The following CACNA1G variants were observed in gnomAD, a reference collection of about 807,000 sequenced individuals.
CACNA1G encodes the protein calcium voltage-gated channel subunit alpha1 G, also known as voltage-dependent T-type calcium channel subunit alpha-1G.
In CACNA1G, 67 loss-of-function variants were observed where a neutral mutation model predicts 219.4. The ratio of observed to expected loss-of-function variants is 0.31; its 90% CI spans 0.25 to 0.37. The LOEUF (loss-of-function observed/expected upper bound fraction) is 0.37, where lower values mean the gene tolerates loss of function less well. Ranked by LOEUF, CACNA1G falls within the 10% of genes least tolerant of loss-of-function variation. The probability of loss-of-function intolerance (pLI) is 1.00; values close to 1 mark genes in which losing one functional copy is unlikely to be tolerated. For missense variants in CACNA1G, 2,380 were observed against 3,231.4 expected (o/e 0.74, Z 6.39); for synonymous variants, 1,296 against 1,345.3 (o/e 0.96, Z 0.80).
At position 50,571,827 on chromosome 17, in the gene CACNA1G, C is replaced by T; in HGVS notation, c.587-51C>T. 1.9e-6 allele frequency: 3 copies of T among 1,596,548 alleles called. No homozygotes were observed. Among genetic ancestry groups the T allele is most frequent in the Middle Eastern group, 1.7e-4 (1 of 6,006 alleles). On this transcript the variant is annotated intron_variant, in intron 4 of 37. Transcript: ENST00000359106. The surrounding 1 kb of genome is among the most constrained non-coding windows in gnomAD (Gnocchi z 4.3). ...GGGAGTGCTGCCGGGCCGTGGCAGT[C>T]AGCCTAGCCCGGCCAGCCTGGTGTC...
Position 50,599,934 on chromosome 17 carries a change from T to C in CACNA1G, c.3690+75T>C, listed in dbSNP as rs1249175575. 6 of 1,410,056 alleles carry C rather than the reference T, an allele frequency of 4.3e-6. No individual in the cohort carries two copies. In the East Asian group the frequency reaches 1.2e-4, roughly 28 times the overall value. The allele number at this position is 1,410,056 out of a possible 1,614,324, so 87.3% of individuals were successfully genotyped here. On this transcript the variant is annotated intron_variant, in intron 17 of 37. Transcript: ENST00000359106. Reference sequence around the variant, plus strand: ...GGGAGGTGTGCCTGGCCTGGCAGGGTATAAGGGAGTTACCATTCCAAGCCC... The same window carrying C: ...GGGAGGTGTGCCTGGCCTGGCAGGGCATAAGGGAGTTACCATTCCAAGCCC...
chr17:50,592,329 C>T (rs1312628512), intron 13 of CACNA1G, among the ~76,000 whole-genome samples: 4 of 152,154 alleles, frequency 2.6e-5, no homozygotes, highest in Admixed American at 1.3e-4. Context: ...GCTTAGCTAC[C>T]GAGTAGACAT....
intron 7 of CACNA1G, 99 bp from the exon 8 acceptor site, chr17:50,575,444 C>A: frequency 8.5e-7 from 1 of 1,182,406 alleles, no homozygotes; most frequent in Non-Finnish European, 1.2e-6. Context: ...AATAACTGAG[C>A]GTGGCGCTTG....
Position 50,601,041 on chromosome 17 carries a change from G to A in CACNA1G, c.3792-10G>A, listed in dbSNP as rs1039261404. 6.2e-7 allele frequency: 1 copy of A among 1,613,350 alleles called. No homozygotes were observed. The highest frequency in any genetic ancestry group is 8.5e-7 in the Non-Finnish European group (1 of 1,179,636). On this transcript the variant is annotated splice_polypyrimidine_tract_variant and intron_variant, in intron 18 of 37. Transcript: ENST00000359106. ...TCCCCCTCTCAGCCGTTGCCTCCAT[G>A]CCTGGGCAGGTTCCGCCTCCTGTGT...
chr17:50,575,117 T>C (rs1021354830), intron 7 of CACNA1G, among the ~76,000 whole-genome samples: 1 of 152,250 alleles, frequency 6.6e-6, no homozygotes, highest in Non-Finnish European at 1.5e-5. Context: ...GAAAACCCCA[T>C]GTCCCTAATA....
chr17:50,617,722 G>A lies in CACNA1G; in HGVS notation c.5156-137G>A. On this transcript the variant is annotated intron_variant, in intron 29 of 37. Transcript: ENST00000359106. The surrounding 1 kb of genome is among the most constrained non-coding windows in gnomAD (Gnocchi z 5.8). ...TCTGCCAAGGGAGGCTGGAGACAGG[G>A]CTGAGGATGGGGATGCAACCTGGCT... 2 of 1,428,968 alleles carry A rather than the reference G, an allele frequency of 1.4e-6. No homozygotes were observed. The highest frequency in any genetic ancestry group is 1.3e-5 in the South Asian group (1 of 79,636). The allele number at this position is 1,428,968 out of a possible 1,614,324, so 88.5% of individuals were successfully genotyped here. A position where few individuals can be genotyped will look rare whatever the true frequency, so the allele number is the denominator to read the frequency against.
At chr17:50,594,908 T>C in intron 13 of CACNA1G, 85 bp from the exon 14 acceptor site, 1 of 1,036,418 alleles carries the variant, frequency 9.6e-7, no homozygotes, top group Non-Finnish European at 1.4e-6. Flanking sequence ...CTCCTTTTCT[T>C]CATCCTCTCT....
At position 50,605,909 on chromosome 17, in the gene CACNA1G, G is replaced by A; in HGVS notation, c.4308G>A (p.Gly1436=). 1 of 1,613,366 alleles carries A rather than the reference G, an allele frequency of 6.2e-7. No homozygotes were observed. Among genetic ancestry groups the A allele is most frequent in the Non-Finnish European group, 8.5e-7 (1 of 1,179,890 alleles). ...FGILGVQLFK[G]KFFVCQGEDT... is the part of the protein sequence containing the mutation. ...GAATGTGTGTCCAGCTCTTCAAAGG[G>A]AAGTTTTTCGTGTGCCAGGGCGAGG... Residue 1436 remains glycine, a synonymous_variant, in exon 23 of 38, where the codon GGG becomes GGA. Coordinates refer to ENST00000359106, the MANE Select transcript of CACNA1G (RefSeq NM_018896.5).
chr17:50,624,435 T>C lies in CACNA1G; in HGVS notation c.6305T>C (p.Leu2102Pro). The change falls in exon 37 of 38, where the codon CTG becomes CCG. Residue 2102 changes from leucine to proline, a missense_variant. Coordinates refer to ENST00000359106, the MANE Select transcript of CACNA1G (RefSeq NM_018896.5). ...CAGCTTCCCAAAGATGCACCTCATC[T>C]GCTCCAGCCCCACAGCGCCCCAACC... Reference protein sequence around the residue: ...ILQLPKDAPHLLQPHSAPTWG... With the variant: ...ILQLPKDAPHPLQPHSAPTWG... 6.3e-7 allele frequency: 1 copy of C among 1,575,364 alleles called. No individual in the cohort carries two copies. The highest frequency in any genetic ancestry group is 1.1e-5 in the South Asian group (1 of 87,526).
At chr17:50,574,132 C>T (rs768618543) in intron 7 of CACNA1G, among the ~76,000 whole-genome samples, 4 of 150,552 alleles carry the variant, frequency 2.7e-5, no homozygotes, top group Non-Finnish European at 6.0e-5. Flanking sequence ...GAGAATTCAG[C>T]GCCCCAGAGG....
At chr17:50,613,829 C>CGGCCCACCCTCCACCAT (rs1425705667) in intron 26 of CACNA1G, among the ~76,000 whole-genome samples, 2 of 152,118 alleles carry the variant, frequency 1.3e-5, no homozygotes, top group East Asian at 3.9e-4. Context: ...CCGGCCCACC[C>CGGCCCACCCTCCACCAT]GGCCCACCCT....
intron 1 of CACNA1G, among the ~76,000 whole-genome samples, chr17:50,565,349 AG>A (rs1202913842): frequency 3.0e-5 from 3 of 98,680 alleles, no homozygotes; most frequent in African/African-American, 3.8e-5. Context: ...AAGCGTGGTG[AG>A]GGGGGAACCA....
chr17:50,582,825 A>G (rs198557), intron 9 of CACNA1G, among the ~76,000 whole-genome samples: 89,247 of 151,682 alleles, frequency 0.59, 27,141 homozygotes, highest in East Asian at 0.95. Context: ...GGGGAGAGGA[A>G]GGGGAGGGAC....
At position 50,623,263 on chromosome 17, in the gene CACNA1G, A is replaced by ATTTT. The variant is rs35058899; in HGVS notation, c.6061-616_6061-613dup. Among the ~76,000 whole-genome samples the ATTTT allele has an allele frequency of 4.3e-3, 221 of 50,982 alleles. 11 individuals are homozygous for ATTTT. The highest frequency in any genetic ancestry group is 0.033 in the Middle Eastern group (2 of 60). The allele number at this position is 50,982 out of a possible 152,430, so 33.4% of individuals were successfully genotyped here. ...GGTGCCACGCCACCATATCCAGCTA[A>ATTTT]TTTTTTTTTTTTTTTTTTTTTTTTT... On this transcript the variant is annotated intron_variant, in intron 35 of 37. Transcript: ENST00000359106.
At chr17:50,606,464 G>C (rs555583924) in intron 23 of CACNA1G, 78 of 586,808 alleles carry the variant, frequency 1.3e-4, no homozygotes, top group Non-Finnish European at 2.1e-4. Flanking sequence ...TCTCCTCGGA[G>C]GTCACAATAA....
intron 35 of CACNA1G, among the ~76,000 whole-genome samples, chr17:50,623,177 C>T (rs2052605120): frequency 7.0e-6 from 1 of 142,034 alleles, no homozygotes; most frequent in Non-Finnish European, 1.5e-5. Context: ...CTCACTATAG[C>T]TTTGACCCCC....
At chr17:50,605,298 C>T (rs1169731709) in intron 22 of CACNA1G, among the ~76,000 whole-genome samples, 1 of 152,204 alleles carries the variant, frequency 6.6e-6, no homozygotes, top group African/African-American at 2.4e-5. Context: ...TCCAATCAGA[C>T]AGACCTGGGT....
In CACNA1G at chr17:50,591,807, G is replaced by A; in HGVS notation, c.2708G>A (p.Arg903Gln). Reference sequence around the variant, plus strand: ...CGGGATGGGGACACCCTGCCAGACCGGAAGAATTTTGACTCCTTGCTCTGG... The same window carrying A: ...CGGGATGGGGACACCCTGCCAGACCAGAAGAATTTTGACTCCTTGCTCTGG... ...SERDGDTLPD[R>Q]KNFDSLLWAI... The change falls in exon 12 of 38, where the codon CGG (arginine) becomes CAG (glutamine). Residue 903 changes from arginine (R) to glutamine (Q), a missense_variant. By Grantham distance (43) the Arg-to-Gln change is conservative. Coordinates refer to ENST00000359106, the MANE Select transcript of CACNA1G (RefSeq NM_018896.5). 1 of 1,613,964 alleles carries A rather than the reference G, an allele frequency of 6.2e-7. No homozygotes were observed. Among genetic ancestry groups the A allele is most frequent in the Non-Finnish European group, 8.5e-7 (1 of 1,179,874 alleles).
chr17:50,568,727 C>G, intron 1 of CACNA1G, 143 bp from the exon 2 acceptor site: 1 of 692,918 alleles, frequency 1.4e-6, no homozygotes. Flanking sequence ...GGGGGCTGGT[C>G]TGCGTGTATG....
Sources: gnomAD v4.1 joint callset for allele counts (sites outside exome capture counted in the v4.1 genomes callset) on GRCh38, gnomAD v4.1.1 for gene constraint, Gnocchi (gnomAD v3.1) non-coding constraint, MANE v1.5 for transcripts, NCBI Gene and HGNC (gene_info 2026-07-23, HGNC 2026-07-21) for gene names.